The following HECW2 variants were observed in gnomAD, a reference collection of about 807,000 sequenced individuals.
HECW2 encodes HECT, C2 and WW domain containing E3 ubiquitin protein ligase 2, also known as E3 ubiquitin-protein ligase HECW2.
In HECW2, 61 loss-of-function variants were observed where a neutral mutation model predicts 175.2. The observed-to-expected ratio is 0.35, with a 90% CI of 0.28 to 0.43. The LOEUF (loss-of-function observed/expected upper bound fraction) is 0.43, where lower values mean the gene tolerates loss of function less well. Ranked by LOEUF, HECW2 falls within the 20% of genes least tolerant of loss-of-function variation. The pLI, the probability that HECW2 is intolerant of heterozygous loss-of-function variation, is 1.00. For missense variants in HECW2, 1,524 were observed against 2,000.5 expected (o/e 0.76, Z 4.54); for synonymous variants, 671 against 731.0 (o/e 0.92, Z 1.32).
chr2:196,532,152 C>T (rs1476657983), intron 1 of HECW2, among the ~76,000 whole-genome samples: 1 of 152,216 alleles, frequency 6.6e-6, no homozygotes, highest in African/African-American at 2.4e-5. Context: ...GATTATAAAT[C>T]ATTCTACTAT....
intron 2 of HECW2, among the ~76,000 whole-genome samples, chr2:196,367,897 G>GTACATAGATACATATATATATGAGA (rs1693791565): frequency 5.8e-5 from 8 of 138,798 alleles, no homozygotes; most frequent in South Asian, 2.2e-4. Context: ...TGTGTGTATG[G>GTACATAGATACATATATATATGAGA]TACATAGATA....
intron 28 of HECW2, among the ~76,000 whole-genome samples, chr2:196,211,156 G>A (rs1002509250): frequency 6.6e-6 from 1 of 151,428 alleles, no homozygotes; most frequent in African/African-American, 2.5e-5. Flanking sequence ...CCCCCATGAC[G>A]ATTGCAGCTC....
intron 14 of HECW2, among the ~76,000 whole-genome samples, chr2:196,285,128 C>T (rs140983092): frequency 1.4e-3 from 211 of 152,162 alleles, no homozygotes; most frequent in African/African-American, 4.6e-3. Context: ...TTAGTGAAGC[C>T]AAACAAAATA....
intron 1 of HECW2, among the ~76,000 whole-genome samples, chr2:196,581,974 G>A (rs1690801886): frequency 1.3e-5 from 2 of 152,068 alleles, no homozygotes; most frequent in Non-Finnish European, 2.9e-5. Context: ...GCTGAGGCAA[G>A]AGAATGATGT....
Position 196,535,798 on chromosome 2 carries a change from T to A in HECW2, c.-36+57710A>T, listed in dbSNP as rs190615566. Among the ~76,000 whole-genome samples, 360 of 152,298 alleles carry A rather than the reference T, an allele frequency of 2.4e-3. 1 individual carries two copies. Among genetic ancestry groups the A allele is most frequent in the African/African-American group, 8.2e-3 (342 of 41,564 alleles). On this transcript the variant is annotated intron_variant, in intron 1 of 28. Transcript: ENST00000644978. ...AAGAGACTCCAGGGACAAACTGCCA[T>A]AAATTATTTTATGCTGTCCCTTCAC...
intron 1 of HECW2, among the ~76,000 whole-genome samples, chr2:196,468,784 G>A (rs972383818): frequency 2.0e-5 from 3 of 152,174 alleles, no homozygotes; most frequent in South Asian, 2.1e-4. Context: ...CTGTGGGAGC[G>A]GGGAAGCAAA....
chr2:196,391,338 T>A (rs1207243585), intron 2 of HECW2, among the ~76,000 whole-genome samples: 1 of 152,164 alleles, frequency 6.6e-6, no homozygotes, highest in Non-Finnish European at 1.5e-5. Context: ...CTCTCTATGC[T>A]TTTATAAACA....
At chr2:196,586,742 A>G (rs1232625221) in intron 1 of HECW2, 1 of 6,118 alleles carries the variant, frequency 1.6e-4, no homozygotes, top group Non-Finnish European at 5.6e-4. Context: ...TGGTTAACCA[A>G]AAAAAAAAAA....
intron 1 of HECW2, among the ~76,000 whole-genome samples, chr2:196,444,314 AAAACTT>A (rs1207924194): frequency 6.6e-6 from 1 of 152,208 alleles, no homozygotes; most frequent in Non-Finnish European, 1.5e-5. Context: ...AGCAAATCAC[AAAACTT>A]AAGCTCCTAG....
At chr2:196,464,084 A>C (rs544357166) in intron 1 of HECW2, among the ~76,000 whole-genome samples, 2 of 151,152 alleles carry the variant, frequency 1.3e-5, no homozygotes, top group Non-Finnish European at 2.9e-5. Context: ...ATAGGAATAC[A>C]TTAAAATTGC....
At chr2:196,382,325 C>A (rs1694230134) in intron 2 of HECW2, among the ~76,000 whole-genome samples, 1 of 150,666 alleles carries the variant, frequency 6.6e-6, no homozygotes, top group Non-Finnish European at 1.5e-5. Flanking sequence ...AGCATTGTTA[C>A]CTGTGAGAAA....
At chr2:196,409,986 A>C (rs1695066175) in intron 2 of HECW2, among the ~76,000 whole-genome samples, 1 of 152,226 alleles carries the variant, frequency 6.6e-6, no homozygotes, top group Admixed American at 6.5e-5. Flanking sequence ...TTGGGGGTTC[A>C]TTGACCTGAG....
At chr2:196,275,062 G>T (rs935139251) in intron 15 of HECW2, among the ~76,000 whole-genome samples, 1 of 152,116 alleles carries the variant, frequency 6.6e-6, no homozygotes, top group Admixed American at 6.5e-5. Flanking sequence ...TATTTGCTGA[G>T]GATTTTTCTA....
At chr2:196,538,011 C>G (rs922945478) in intron 1 of HECW2, among the ~76,000 whole-genome samples, 4 of 152,136 alleles carry the variant, frequency 2.6e-5, no homozygotes, top group African/African-American at 9.7e-5. Context: ...TGAATTCTTT[C>G]TTGTGGGAGA....
intron 1 of HECW2, among the ~76,000 whole-genome samples, chr2:196,546,890 G>A (rs886780988): frequency 1.3e-5 from 2 of 151,636 alleles, no homozygotes; most frequent in Admixed American, 6.6e-5. Context: ...ATAAGCAAAA[G>A]CTATGAGGAC....
At position 196,306,567 on chromosome 2, in the gene HECW2, C is replaced by T. The variant is rs1691271902; in HGVS notation, c.2735G>A (p.Arg912Lys). 6.2e-7 allele frequency: 1 copy of T among 1,613,062 alleles called. No individual in the cohort carries two copies. The highest frequency in any genetic ancestry group is 1.3e-5 in the African/African-American group (1 of 74,936). The change falls in exon 13 of 29, where the codon AGG becomes AAG. Residue 912 changes from arginine to lysine, a missense_variant. Arg to Lys is a conservative substitution (Grantham distance 26, BLOSUM62 2). Around this residue, in one of 11 missense-constraint regions of HECW2, gnomAD observed 105 missense variants for 98.1 expected, o/e 1.07. Transcript: ENST00000644978. ...NILPHSTSRS[R>K]ITLLLQSPPV... The stretch of plus-strand genomic sequence containing the variant: ...GGGAGACTGTAACAGCAACGTGATC[C>T]TGGATCTGGAGGTAGAGTGAGGCAG...
At chr2:196,460,486 CTTTTT>C (rs3082153) in intron 1 of HECW2, among the ~76,000 whole-genome samples, 6,645 of 142,970 alleles carry the variant, frequency 0.046, 318 homozygotes, top group African/African-American at 0.12. Context: ...CCGATTAAAC[CTTTTT>C]TTTTTTTTTT....
At chr2:196,307,901 A>G in intron 11 of HECW2, 34 bp downstream of exon 11, 5 of 1,462,776 alleles carry the variant, frequency 3.4e-6, no homozygotes, top group Non-Finnish European at 4.6e-6. Flanking sequence ...CCAACCACAA[A>G]ATACAACAGT....
At chr2:196,264,558 G>A (rs1689435680) in intron 17 of HECW2, among the ~76,000 whole-genome samples, 1 of 152,122 alleles carries the variant, frequency 6.6e-6, no homozygotes, top group South Asian at 2.1e-4. Flanking sequence ...TTACATCAGA[G>A]AACAATGTTT....
Sources: allele counts gnomAD v4.1 joint callset (sites outside exome capture counted in the v4.1 genomes callset), GRCh38; gene constraint gnomAD v4.1.1; regional missense constraint gnomAD v4.1.1; transcripts MANE v1.5; gene names NCBI Gene and HGNC (gene_info 2026-07-23, HGNC 2026-07-21).